GMDS: variants seen among roughly 807,000 people sequenced by gnomAD.
GMDS encodes the protein GDP-mannose 4,6-dehydratase, also known as GDP-mannose 4,6 dehydratase.
Under a neutral mutation model 49.9 loss-of-function variants are expected in GMDS, and 20 were observed. That is an observed-to-expected ratio of 0.40 (90% CI 0.28 to 0.58). The LOEUF is 0.58. Among genes scored for constraint, GMDS ranks in the 20% least tolerant of loss-of-function variants. The pLI is 0.42. For missense variants in GMDS, 362 were observed against 481.4 expected (o/e 0.75, Z 2.32); for synonymous variants, 177 against 178.6 (o/e 0.99, Z 0.07).
intron 9 of GMDS, among the ~76,000 whole-genome samples, chr6:1,681,162 A>C (rs1018731882): frequency 4.6e-5 from 7 of 151,346 alleles, no homozygotes; most frequent in African/African-American, 9.7e-5. Flanking sequence ...ACACACACAC[A>C]CCTCCCCCAC....
chr6:2,072,383 T>C (rs1030298762), intron 4 of GMDS, among the ~76,000 whole-genome samples: 1 of 152,232 alleles, frequency 6.6e-6, no homozygotes, highest in Non-Finnish European at 1.5e-5. Flanking sequence ...TTAGGATGTC[T>C]GAAGGCAGCC....
chr6:1,646,571 A>G (rs887435592), intron 9 of GMDS, among the ~76,000 whole-genome samples: 1 of 151,868 alleles, frequency 6.6e-6, no homozygotes, highest in African/African-American at 2.4e-5. Context: ...TTTTTTAGAG[A>G]TGGATTTTTG....
At chr6:1,871,085 CACTT>C (rs1018981438) in intron 7 of GMDS, among the ~76,000 whole-genome samples, 11 of 151,364 alleles carry the variant, frequency 7.3e-5, no homozygotes, top group African/African-American at 2.7e-4. Flanking sequence ...CACACACACA[CACTT>C]AAACCACTGT....
intron 4 of GMDS, among the ~76,000 whole-genome samples, chr6:1,984,020 C>T (rs1202803885): frequency 3.9e-5 from 6 of 152,176 alleles, no homozygotes; most frequent in Non-Finnish European, 8.8e-5. Context: ...ACATATACAC[C>T]ATGGGATACT....
chr6:1,825,094 C>T (rs539050989), intron 7 of GMDS, among the ~76,000 whole-genome samples: 1 of 152,276 alleles, frequency 6.6e-6, no homozygotes, highest in South Asian at 2.1e-4. Flanking sequence ...ATGTTAGATC[C>T]TTCACTTGCA....
rs1177902618 is a variant in GMDS, at chr6:1,742,564, T to C, written c.794A>G (p.Asn265Ser). ...TATAACGAAGTCCTCCGGCTCATCATTCTGCAACATCAACCACATAGCCTA... is the reference window on the plus strand; with the variant it reads ...TATAACGAAGTCCTCCGGCTCATCACTCTGCAACATCAACCACATAGCCTA... Reference protein sequence around the residue: ...YVEAMWLMLQNDEPEDFVIAT... With the variant: ...YVEAMWLMLQSDEPEDFVIAT... Residue 265 changes from asparagine (N) to serine (S), a missense_variant, in exon 8 of 11, where the codon AAT becomes AGT. Coordinates refer to ENST00000380815, the MANE Select transcript of GMDS (RefSeq NM_001500.4). 1 of 1,601,996 alleles carries C rather than the reference T, an allele frequency of 6.2e-7. No homozygotes were observed. The highest frequency in any genetic ancestry group is 1.3e-5 in the African/African-American group (1 of 74,910).
intron 7 of GMDS, among the ~76,000 whole-genome samples, chr6:1,906,773 C>A (rs1402108234): frequency 6.6e-6 from 1 of 152,216 alleles, no homozygotes; most frequent in Non-Finnish European, 1.5e-5. Context: ...GCTCTCCCAT[C>A]TGGGAGCTAT....
intron 4 of GMDS, among the ~76,000 whole-genome samples, chr6:1,999,893 C>T (rs1225003562): frequency 4.1e-5 from 4 of 97,726 alleles, no homozygotes; most frequent in Non-Finnish European, 5.8e-5. Context: ...TGAGACATAA[C>T]GATATATATA....
chr6:1,854,569 A>C (rs565593152), intron 7 of GMDS, among the ~76,000 whole-genome samples: 1 of 152,216 alleles, frequency 6.6e-6, no homozygotes, highest in Non-Finnish European at 1.5e-5. Context: ...GGGTGCTTCT[A>C]GCAGGCAGAG....
At chr6:2,242,798 G>A (rs894401780) in intron 1 of GMDS, among the ~76,000 whole-genome samples, 1 of 152,134 alleles carries the variant, frequency 6.6e-6, no homozygotes, top group Non-Finnish European at 1.5e-5. Flanking sequence ...TATTATACCT[G>A]TCTCTTAGGT....
chr6:1,996,098 T>TTCCTTCTCCTTCTCCTTCCTCCTCCTTCC, intron 4 of GMDS, among the ~76,000 whole-genome samples: 1 of 152,132 alleles, frequency 6.6e-6, no homozygotes, highest in African/African-American at 2.4e-5. Context: ...CTTCTCCTTC[T>TTCCTTCTCCTTCTCCTTCCTCCTCCTTCC]TCCTTCTCCT....
At chr6:1,638,042 G>T (rs1445826426) in intron 9 of GMDS, among the ~76,000 whole-genome samples, 1 of 152,182 alleles carries the variant, frequency 6.6e-6, no homozygotes, top group African/African-American at 2.4e-5. Context: ...AAAGCCATGC[G>T]TTCACCACCA....
chr6:1,655,118 A>C (rs1303090453), intron 9 of GMDS, among the ~76,000 whole-genome samples: 1 of 152,006 alleles, frequency 6.6e-6, no homozygotes, highest in Admixed American at 6.6e-5. Flanking sequence ...ATAACTCACT[A>C]TACTGAATCA....
intron 4 of GMDS, among the ~76,000 whole-genome samples, chr6:2,096,124 G>A (rs1306576178): frequency 6.6e-6 from 1 of 152,164 alleles, no homozygotes; most frequent in African/African-American, 2.4e-5. Context: ...TCTATAAAGT[G>A]AGTTCAACCC....
At chr6:1,768,121 C>T (rs1370333657) in intron 7 of GMDS, among the ~76,000 whole-genome samples, 1 of 152,092 alleles carries the variant, frequency 6.6e-6, no homozygotes, top group Non-Finnish European at 1.5e-5. Context: ...CATTTCAGTA[C>T]TGAGGCCTTT....
intron 1 of GMDS, among the ~76,000 whole-genome samples, chr6:2,203,509 T>C (rs1779646829): frequency 8.9e-6 from 1 of 112,164 alleles, no homozygotes; most frequent in East Asian, 3.2e-4. Context: ...CCAAGTTTCT[T>C]TGGACAGTAC....
At chr6:2,132,847 T>G (rs1312239717) in intron 1 of GMDS, among the ~76,000 whole-genome samples, 1 of 152,222 alleles carries the variant, frequency 6.6e-6, no homozygotes, top group Non-Finnish European at 1.5e-5. Context: ...CTGAAAGTTT[T>G]TAGAACCAGG....
At chr6:1,649,934 A>G (rs1046385852) in intron 9 of GMDS, among the ~76,000 whole-genome samples, 4 of 152,202 alleles carry the variant, frequency 2.6e-5, no homozygotes, top group African/African-American at 9.6e-5. Context: ...AGGCCTTGAA[A>G]GAGCAGACTG....
At chr6:2,078,934 T>C (rs908578563) in intron 4 of GMDS, among the ~76,000 whole-genome samples, 1 of 151,886 alleles carries the variant, frequency 6.6e-6, no homozygotes, top group African/African-American at 2.4e-5. Context: ...TGAATCTTGT[T>C]GCTCCAGTGT....
Sources: gnomAD v4.1 joint callset for allele counts (sites outside exome capture counted in the v4.1 genomes callset) on GRCh38, gnomAD v4.1.1 for gene constraint, MANE v1.5 for transcripts, NCBI Gene and HGNC (gene_info 2026-07-23, HGNC 2026-07-21) for gene names.